Variants in BRIP1 observed in about 807,000 individuals in gnomAD.
BRIP1 encodes the protein BRCA1 interacting DNA helicase 1, also known as Fanconi anemia group J protein.
Under a neutral mutation model 119.7 loss-of-function variants are expected in BRIP1, and 88 were observed. The observed-to-expected ratio is 0.74, with a 90% CI of 0.62 to 0.88. BRIP1 has a LOEUF of 0.88. Ranked by LOEUF, BRIP1 falls within the 40% of genes least tolerant of loss-of-function variation. The pLI is 0.00. For synonymous variants in BRIP1, 443 were observed against 496.5 expected, an observed-to-expected ratio of 0.89 and a Z score of 1.43; for missense variants, 1,259 against 1,455.4, an observed-to-expected ratio of 0.87 and a Z score of 2.20.
In BRIP1 at chr17:61,683,865, T is replaced by C. The variant is rs778430337; in HGVS notation, c.3181A>G (p.Asn1061Asp). Reference sequence around the variant, plus strand: ...TGAGGGCATGATCCAAACGATGTGTTTACTGTCAGATTTGAGGATTCACAT... The same window carrying C: ...TGAGGGCATGATCCAAACGATGTGTCTACTGTCAGATTTGAGGATTCACAT... ...DKCESSNLTV[N>D]TSFGSCPQSE... The change falls in exon 20 of 20, where the codon AAC (asparagine) becomes GAC (aspartate). Residue 1061 changes from asparagine (N) to aspartate (D), a missense_variant. Asn to Asp is a conservative substitution (Grantham distance 23). Transcript: ENST00000259008. This position sits in a 1 kb window ranked among gnomAD's most constrained non-coding sequence, Gnocchi z 4.7. 1.2e-6 allele frequency: 2 copies of C among 1,614,214 alleles called. No homozygotes were observed. The highest frequency in any genetic ancestry group is 2.2e-5 in the South Asian group (2 of 91,084).
chr17:61,763,581 A>C lies in BRIP1; in HGVS notation c.2097+12820T>G, dbSNP rs547893536. Among the ~76,000 whole-genome samples, 107 of 152,272 alleles carry C rather than the reference A, an allele frequency of 7.0e-4. 1 individual carries two copies. Among genetic ancestry groups the C allele is most frequent in the African/African-American group, 2.4e-3 (100 of 41,562 alleles). ...TCCTCAGAAATAGTACTTTGTACAAAGGCAAACAACCAACGCACTGATATG... is the reference window on the plus strand; with the variant it reads ...TCCTCAGAAATAGTACTTTGTACAACGGCAAACAACCAACGCACTGATATG... On this transcript the variant is annotated intron_variant, in intron 14 of 19. Coordinates refer to ENST00000259008, the MANE Select transcript of BRIP1 (RefSeq NM_032043.3).
Position 61,775,762 on chromosome 17 carries a change from A to G in BRIP1, c.2097+639T>C, listed in dbSNP as rs557250219. On this transcript the variant is annotated intron_variant, in intron 14 of 19. Coordinates refer to ENST00000259008, the MANE Select transcript of BRIP1 (RefSeq NM_032043.3). The surrounding 1 kb of genome is among the most constrained non-coding windows in gnomAD (Gnocchi z 4.4). ...ACCTTCAGAAATGTAATTTATGAAA[A>G]TAAAAAAGAATGCTCTGTTTCTTTC... is the stretch of plus-strand genomic sequence containing the variant. 1 of 152,240 alleles carries G rather than the reference A, an allele frequency of 6.6e-6. No individual in the cohort carries two copies. The highest frequency in any genetic ancestry group is 6.5e-5 in the Admixed American group (1 of 15,282). 9.4% of individuals were successfully genotyped at this position (152,240 alleles called of 1,614,324 possible). A position where few individuals can be genotyped will look rare whatever the true frequency, so the allele number is the denominator to read the frequency against.
intron 16 of BRIP1, among the ~76,000 whole-genome samples, chr17:61,727,674 G>A (rs2076783828): frequency 6.6e-6 from 1 of 151,796 alleles, no homozygotes; most frequent in Admixed American, 6.6e-5. Flanking sequence ...AAGGCAGGAG[G>A]ATCATTTGAG....
At position 61,778,573 on chromosome 17, in the gene BRIP1, T is replaced by C. The variant is rs910277935; in HGVS notation, c.1935+1688A>G. 1.3e-5 allele frequency among the ~76,000 whole-genome samples: 2 copies of C among 152,210 alleles called. No individual in the cohort carries two copies. Among genetic ancestry groups the C allele is most frequent in the Admixed American group, 6.5e-5 (1 of 15,268 alleles). ...ATCCAGCTGCACAACTACATTATTA[T>C]AATTCAGCGACATTATAGGTTAAAT... On this transcript the variant is annotated intron_variant, in intron 13 of 19. Transcript: ENST00000259008. The surrounding 1 kb of genome is among the most constrained non-coding windows in gnomAD (Gnocchi z 4.4).
Position 61,716,004 on chromosome 17 carries a change from G to A in BRIP1, c.2439C>T (p.Gly813=). Residue 813 remains glycine, a synonymous_variant, in exon 17 of 20, where the codon GGC becomes GGT. Coordinates refer to ENST00000259008, the MANE Select transcript of BRIP1 (RefSeq NM_032043.3). ...HHSKLRGLLP[G]RQWYEIQAYR... is the part of the protein sequence containing the mutation. Reference sequence around the variant, plus strand: ...ATGCTTGAATTTCATACCACTGACGGCCAGGTAGAAGACCTCTCAATTTTG... The same window carrying A: ...ATGCTTGAATTTCATACCACTGACGACCAGGTAGAAGACCTCTCAATTTTG... 6.2e-7 allele frequency: 1 copy of A among 1,608,856 alleles called. No individual in the cohort carries two copies. Among genetic ancestry groups the A allele is most frequent in the Non-Finnish European group, 8.5e-7 (1 of 1,177,194 alleles).
Position 61,726,359 on chromosome 17 carries a change from A to G in BRIP1, c.2380-10296T>C, listed in dbSNP as rs1355994284. On this transcript the variant is annotated intron_variant, in intron 16 of 19. Coordinates refer to ENST00000259008, the MANE Select transcript of BRIP1 (RefSeq NM_032043.3). This position sits in a 1 kb window ranked among gnomAD's most constrained non-coding sequence, Gnocchi z 6.2. ...GGACGAGAAAGTCATTACTTACCCC[A>G]TATTTCTGAAACCCAGTGTAGGTTT... 3.3e-5 allele frequency among the ~76,000 whole-genome samples: 5 copies of G among 152,220 alleles called. No individual in the cohort carries two copies. The highest frequency in any genetic ancestry group is 7.2e-5 in the African/African-American group (3 of 41,456).
At position 61,733,222 on chromosome 17, in the gene BRIP1, G is replaced by T. The variant is rs563051059; in HGVS notation, c.2379+9791C>A. ...ATTCTCCTTAAAAAGAAATCTGTTAGATTTAAGAATTCTAATACAGCCAGG... is the reference window on the plus strand; with the variant it reads ...ATTCTCCTTAAAAAGAAATCTGTTATATTTAAGAATTCTAATACAGCCAGG... On this transcript the variant is annotated intron_variant, in intron 16 of 19. Coordinates refer to ENST00000259008, the MANE Select transcript of BRIP1 (RefSeq NM_032043.3). Among the ~76,000 whole-genome samples the T allele has an allele frequency of 3.3e-4, 51 of 152,242 alleles. No individual in the cohort carries two copies. In the South Asian group the frequency reaches 9.9e-3, roughly 30 times the overall value.
At chr17:61,694,009 A>G (rs972009335) in intron 17 of BRIP1, among the ~76,000 whole-genome samples, 4 of 152,116 alleles carry the variant, frequency 2.6e-5, no homozygotes, top group Non-Finnish European at 5.9e-5. Context: ...TCATCCTTGC[A>G]TTCCTAGTCA....
chr17:61,694,312 C>G (rs1315826919), intron 17 of BRIP1, among the ~76,000 whole-genome samples: 2 of 152,048 alleles, frequency 1.3e-5, no homozygotes, highest in African/African-American at 4.8e-5. Context: ...GTTGCCAATT[C>G]TGGACATTTC....
rs1032680657 is a variant in BRIP1, at chr17:61,709,888, A to T, written c.2492+6063T>A. ...AACAGTCCCATGTGTGCTTAAAAAAATTAACATTAAAAGGAATCCATTGGT... is the reference window on the plus strand; with the variant it reads ...AACAGTCCCATGTGTGCTTAAAAAATTTAACATTAAAAGGAATCCATTGGT... On this transcript the variant is annotated intron_variant, in intron 17 of 19. Coordinates refer to ENST00000259008, the MANE Select transcript of BRIP1 (RefSeq NM_032043.3). This position sits in a 1 kb window ranked among gnomAD's most constrained non-coding sequence, Gnocchi z 5.0. Among the ~76,000 whole-genome samples the T allele has an allele frequency of 2.0e-5, 3 of 152,192 alleles. No homozygotes were observed. The highest frequency in any genetic ancestry group is 2.9e-5 in the Non-Finnish European group (2 of 68,022).
rs1214427966 is a variant in BRIP1, at chr17:61,780,803, CAAG to C, written c.1794+34_1794+36del. ...CATTTATTAAAATGCTGGTACTGAG[CAAG>C]AAGACAAAATTTCCATTTACATGAT... On this transcript the variant is annotated intron_variant, in intron 12 of 19. Coordinates refer to ENST00000259008, the MANE Select transcript of BRIP1 (RefSeq NM_032043.3). This position sits in a 1 kb window ranked among gnomAD's most constrained non-coding sequence, Gnocchi z 5.4. The C allele has an allele frequency of 2.5e-6, 4 of 1,600,212 alleles. No homozygotes were observed. Among genetic ancestry groups the C allele is most frequent in the Non-Finnish European group, 3.4e-6 (4 of 1,167,442 alleles).
Position 61,708,798 on chromosome 17 carries a change from G to A in BRIP1, c.2492+7153C>T. Among the ~76,000 whole-genome samples the A allele has an allele frequency of 6.6e-6, 1 of 152,110 alleles. No individual in the cohort carries two copies. Among genetic ancestry groups the A allele is most frequent in the Non-Finnish European group, 1.5e-5 (1 of 68,024 alleles). The stretch of plus-strand genomic sequence containing the variant: ...GCTATAGGGTAATTTGGCAGGAACT[G>A]GGCCAATTTGTAGATATTTTCTCAT... On this transcript the variant is annotated intron_variant, in intron 17 of 19. Coordinates refer to ENST00000259008, the MANE Select transcript of BRIP1 (RefSeq NM_032043.3). This position sits in a 1 kb window ranked among gnomAD's most constrained non-coding sequence, Gnocchi z 4.4.
In BRIP1 at chr17:61,759,203, C is replaced by A. The variant is rs1316086170; in HGVS notation, c.2098-14612G>T. On this transcript the variant is annotated intron_variant, in intron 14 of 19. Coordinates refer to ENST00000259008, the MANE Select transcript of BRIP1 (RefSeq NM_032043.3). This position sits in a 1 kb window ranked among gnomAD's most constrained non-coding sequence, Gnocchi z 4.9. ...TACAAGAGATTTGCTTTTAAGGATG[C>A]ACAGAGGCTGAAAGTGAGCAGCTGA... Among the ~76,000 whole-genome samples, 1 of 151,840 alleles carries A rather than the reference C, an allele frequency of 6.6e-6. No individual in the cohort carries two copies. Among genetic ancestry groups the A allele is most frequent in the Non-Finnish European group, 1.5e-5 (1 of 67,956 alleles).
chr17:61,701,402 G>A lies in BRIP1; in HGVS notation c.2493-7890C>T, dbSNP rs2144261468. On this transcript the variant is annotated intron_variant, in intron 17 of 19. Transcript: ENST00000259008. This position sits in a 1 kb window ranked among gnomAD's most constrained non-coding sequence, Gnocchi z 5.1. ...TTAGTAGTCAGCTAATAATTAGACA[G>A]AGATTTCCTTAAATGTCTAGAACCA... 6.6e-6 allele frequency among the ~76,000 whole-genome samples: 1 copy of A among 152,312 alleles called. No homozygotes were observed. Among genetic ancestry groups the A allele is most frequent in the East Asian group, 1.9e-4 (1 of 5,192 alleles).
rs1264671678 is a variant in BRIP1 at position 61,860,560 on chromosome 17, T to TGAGGCAGGAGAATAGCTTCAGCCTGG, written c.94-679_94-654dup. ...CTGTAATCCCAGCTACTGGGGAGGC[T>TGAGGCAGGAGAATAGCTTCAGCCTGG]GAGGCAGGAGAATAGCTTCAGCCTG... On this transcript the variant is annotated intron_variant, in intron 2 of 19. Transcript: ENST00000259008. This position sits in a 1 kb window ranked among gnomAD's most constrained non-coding sequence, Gnocchi z 4.1. Among the ~76,000 whole-genome samples the TGAGGCAGGAGAATAGCTTCAGCCTGG allele has an allele frequency of 9.2e-5, 14 of 152,164 alleles. No homozygotes were observed. The highest frequency in any genetic ancestry group is 1.8e-4 in the Non-Finnish European group (12 of 68,026).
intron 16 of BRIP1, among the ~76,000 whole-genome samples, chr17:61,731,149 T>A: frequency 6.6e-6 from 1 of 151,968 alleles, no homozygotes; most frequent in African/African-American, 2.4e-5. Context: ...ATTGAGGATA[T>A]ACTCACTCTA....
intron 16 of BRIP1, among the ~76,000 whole-genome samples, chr17:61,719,113 A>G (rs1265999717): frequency 1.3e-5 from 2 of 152,114 alleles, no homozygotes; most frequent in African/African-American, 4.8e-5. Context: ...TTTGTAGTAG[A>G]AGCCTAAATA....
In BRIP1 at chr17:61,825,092, T is replaced by C. The variant is rs2078384594; in HGVS notation, c.628-16335A>G. On this transcript the variant is annotated intron_variant, in intron 6 of 19. Transcript: ENST00000259008. This position sits in a 1 kb window ranked among gnomAD's most constrained non-coding sequence, Gnocchi z 4.1. ...CAAGGTCAGGAGATCGAGACCATCC[T>C]AGCTAACATGGTGAAATCCCGTCTC... is the stretch of plus-strand genomic sequence containing the variant. Among the ~76,000 whole-genome samples the C allele has an allele frequency of 1.3e-5, 2 of 152,084 alleles. No homozygotes were observed. The highest frequency in any genetic ancestry group is 1.3e-4 in the Admixed American group (2 of 15,272).
At position 61,756,914 on chromosome 17, in the gene BRIP1, C is replaced by T. The variant is rs2077208016; in HGVS notation, c.2098-12323G>A. Among the ~76,000 whole-genome samples the T allele has an allele frequency of 6.6e-6, 1 of 152,190 alleles. No homozygotes were observed. On this transcript the variant is annotated intron_variant, in intron 14 of 19. Coordinates refer to ENST00000259008, the MANE Select transcript of BRIP1 (RefSeq NM_032043.3). The surrounding 1 kb of genome is among the most constrained non-coding windows in gnomAD (Gnocchi z 4.3). ...TCACTTTAATAGCCAGTACTCAAGT[C>T]TTAATGCTTTTAATAGGCCTGCCTA...
Sources: gnomAD v4.1 joint callset for allele counts (sites outside exome capture counted in the v4.1 genomes callset) on GRCh38, gnomAD v4.1.1 for gene constraint, Gnocchi (gnomAD v3.1) non-coding constraint, MANE v1.5 for transcripts, NCBI Gene and HGNC (gene_info 2026-07-23, HGNC 2026-07-21) for gene names.